PTK2: variants seen among roughly 807,000 people sequenced by gnomAD.
PTK2 encodes focal adhesion kinase 1.
In PTK2, 45 loss-of-function variants were observed where a neutral mutation model predicts 150.1. The ratio of observed to expected loss-of-function variants is 0.30; its 90% CI spans 0.24 to 0.38. PTK2 has a LOEUF of 0.38. Ranked by LOEUF, PTK2 falls within the 10% of genes least tolerant of loss-of-function variation. The pLI, the probability that PTK2 is intolerant of heterozygous loss-of-function variation, is 1.00. For missense variants in PTK2, 919 were observed against 1,307.3 expected (o/e 0.70, Z 4.58); for synonymous variants, 432 against 449.2 (o/e 0.96, Z 0.48).
At position 140,680,615 on chromosome 8, in the gene PTK2, A is replaced by C. The variant is rs367799259; in HGVS notation, c.2563-5116T>G. On this transcript the variant is annotated intron_variant, in intron 27 of 31. Coordinates refer to ENST00000522684, the Ensembl canonical transcript of PTK2. ...CACAAAGAATTTTCCTTATCTAACA[A>C]ATTTCCTATTAGCAACGTTCTAAAT... Among the ~76,000 whole-genome samples the C allele has an allele frequency of 8.5e-5, 13 of 152,328 alleles. No homozygotes were observed. In the East Asian group the frequency reaches 2.3e-3, roughly 27 times the overall value.
chr8:140,833,300 C>A (rs980197406), intron 7 of PTK2, among the ~76,000 whole-genome samples: 5 of 151,862 alleles, frequency 3.3e-5, no homozygotes, highest in Non-Finnish European at 7.4e-5. Flanking sequence ...TGATACCTGG[C>A]AGTTGAGAAA....
At chr8:140,745,491 T>C (rs2100058172) in intron 18 of PTK2, among the ~76,000 whole-genome samples, 1 of 152,164 alleles carries the variant, frequency 6.6e-6, no homozygotes, top group Non-Finnish European at 1.5e-5. Context: ...GAACAAGAAA[T>C]TATACATAAG....
intron 1 of PTK2, among the ~76,000 whole-genome samples, chr8:140,939,702 A>AT (rs1187039365): frequency 1.3e-5 from 2 of 152,238 alleles, no homozygotes; most frequent in Non-Finnish European, 2.9e-5. Flanking sequence ...TCACTAGGAG[A>AT]TAAAAACTAG....
At chr8:140,748,117 T>C (rs1452840737) in intron 17 of PTK2, among the ~76,000 whole-genome samples, 1 of 152,132 alleles carries the variant, frequency 6.6e-6, no homozygotes, top group Admixed American at 6.5e-5. Context: ...CACAAAGGAT[T>C]TCTATCTTAG....
chr8:140,890,859 C>T (rs2100153993), intron 2 of PTK2, 90 bp from the exon 3 acceptor site: 1 of 1,113,798 alleles, frequency 9.0e-7, no homozygotes, highest in East Asian at 2.5e-5. Context: ...ATGTCCTATA[C>T]TCTCTCTTGA....
At chr8:140,901,011 C>A (rs1253424550) in intron 2 of PTK2, among the ~76,000 whole-genome samples, 1 of 152,072 alleles carries the variant, frequency 6.6e-6, no homozygotes, top group African/African-American at 2.4e-5. Context: ...TCAAAAATTA[C>A]AATAAGCTAT....
intron 14 of PTK2, among the ~76,000 whole-genome samples, 153 bp downstream of exon 15, chr8:140,770,562 AT>A (rs1413863350): frequency 3.9e-5 from 6 of 152,208 alleles, no homozygotes; most frequent in African/African-American, 9.6e-5. Flanking sequence ...CCCCACCCCA[AT>A]CCCCTTATTG....
intron 7 of PTK2, among the ~76,000 whole-genome samples, chr8:140,835,836 T>C (rs1054065813): frequency 1.5e-4 from 23 of 152,294 alleles, no homozygotes; most frequent in African/African-American, 5.3e-4. Flanking sequence ...TCCCTGTGTC[T>C]GTGTGGGGTT....
intron 23 of PTK2, among the ~76,000 whole-genome samples, chr8:140,716,695 C>T (rs2100039894): frequency 6.6e-6 from 1 of 152,174 alleles, no homozygotes; most frequent in Non-Finnish European, 1.5e-5. Flanking sequence ...TATCAGGTTT[C>T]TGAACACTTT....
At chr8:140,978,451 G>A (rs2100190138) in intron 1 of PTK2, among the ~76,000 whole-genome samples, 1 of 152,112 alleles carries the variant, frequency 6.6e-6, no homozygotes, top group South Asian at 2.1e-4. Context: ...GTGGGCAAAG[G>A]ATATGAACAG....
rs869199304 is a variant in PTK2 at position 140,676,765 on chromosome 8, TAAA to T, written c.2563-1269_2563-1267del. On this transcript the variant is annotated intron_variant, in intron 27 of 31. Transcript: ENST00000522684. ...ACATGGTGAAACCCCGTCTCTACTTTAAAAAAAAAAAAAAAAAAAAAAAATAGC... is the reference window on the plus strand; with the variant it reads ...ACATGGTGAAACCCCGTCTCTACTTTAAAAAAAAAAAAAAAAAAAAATAGC... Among the ~76,000 whole-genome samples, 329 of 55,562 alleles carry T rather than the reference TAAA, an allele frequency of 5.9e-3. 9 individuals carry two copies. Among genetic ancestry groups the T allele is most frequent in the African/African-American group, 0.024 (287 of 11,742 alleles). 36.5% of individuals were successfully genotyped at this position (55,562 alleles called of 152,430 possible). A position where few individuals can be genotyped will look rare whatever the true frequency, so the allele number is the denominator to read the frequency against.
At chr8:140,677,177 T>C (rs758638562) in intron 27 of PTK2, among the ~76,000 whole-genome samples, 1 of 152,192 alleles carries the variant, frequency 6.6e-6, no homozygotes, top group Non-Finnish European at 1.5e-5. Flanking sequence ...CATCCTCTCC[T>C]GCCTGGCCTC....
chr8:140,710,212 C>T (rs1183489034), intron 23 of PTK2, among the ~76,000 whole-genome samples: 1 of 151,568 alleles, frequency 6.6e-6, no homozygotes, highest in African/African-American at 2.4e-5. Context: ...CACCTATAGT[C>T]CCAGCTACTC....
At chr8:140,669,843 A>C in intron 29 of PTK2, 108 bp from the exon 33 acceptor site, 2 of 1,258,324 alleles carry the variant, frequency 1.6e-6, no homozygotes, top group Non-Finnish European at 2.2e-6. Context: ...ATAAAAACAC[A>C]TGAGCAGAAC....
chr8:140,823,496 C>T (rs115961026), intron 8 of PTK2, among the ~76,000 whole-genome samples: 1 of 126,774 alleles, frequency 7.9e-6, no homozygotes, highest in Non-Finnish European at 1.7e-5. Flanking sequence ...TATATATATA[C>T]ACACCTGCCT....
At chr8:140,921,154 C>A (rs2100167253) in intron 2 of PTK2, 2 of 1,217,034 alleles carry the variant, frequency 1.6e-6, no homozygotes, top group Non-Finnish European at 2.0e-6. Flanking sequence ...ACCATCCTGG[C>A]TAGATCAAGC....
At chr8:140,697,740 A>C (rs899345190) in intron 26 of PTK2, among the ~76,000 whole-genome samples, 1 of 150,062 alleles carries the variant, frequency 6.7e-6, no homozygotes, top group African/African-American at 2.5e-5. Flanking sequence ...TATCATTCAT[A>C]TATATTTCTG....
chr8:140,723,654 A>G (rs2100044227), intron 22 of PTK2, among the ~76,000 whole-genome samples: 3 of 152,214 alleles, frequency 2.0e-5, no homozygotes, highest in Non-Finnish European at 4.4e-5. Context: ...TTAGCTGCCT[A>G]ATGTGAACTG....
At chr8:140,862,825 T>C (rs1015375023) in intron 5 of PTK2, among the ~76,000 whole-genome samples, 7 of 152,154 alleles carry the variant, frequency 4.6e-5, no homozygotes. Flanking sequence ...CCCGAAATCA[T>C]TCCCCCACAC....
Sources: allele counts gnomAD v4.1 joint callset (sites outside exome capture counted in the v4.1 genomes callset), GRCh38; gene constraint gnomAD v4.1.1; transcripts MANE v1.5; gene names NCBI Gene and HGNC (gene_info 2026-07-23, HGNC 2026-07-21).